Variants in MSN observed in about 807,000 individuals in gnomAD.
The protein encoded by MSN is moesin.
MSN carries 2 observed loss-of-function variants against 48.0 expected under a neutral mutation model. The ratio of observed to expected loss-of-function variants is 0.04; its 90% confidence interval spans 0.02 to 0.13. MSN has a LOEUF of 0.13. MSN is among the 10% of genes least tolerant of loss of function. MSN has a pLI of 1.00. For synonymous variants in MSN, 146 were observed against 166.9 expected (o/e 0.87, Z 0.97); for missense variants, 267 against 470.1 (o/e 0.57, Z 3.99).
intron 1 of MSN, among the ~76,000 whole-genome samples, chrX:65,695,116 G>C (rs2071219708): frequency 9.1e-6 from 1 of 109,747 alleles, no homozygotes; most frequent in Admixed American, 9.7e-5. Context: ...GTGTGGTGGT[G>C]GTGGTGGTGG....
At chrX:65,622,455 C>T (rs890669336) in intron 1 of MSN, among the ~76,000 whole-genome samples, 1 of 107,548 alleles carries the variant, frequency 9.3e-6, no homozygotes, top group African/African-American at 3.4e-5. Context: ...TCTTATTGCT[C>T]TAGCCAGAAC....
intron 1 of MSN, among the ~76,000 whole-genome samples, chrX:65,695,361 G>A (rs1165251959): frequency 2.7e-5 from 3 of 109,683 alleles, no homozygotes; most frequent in Admixed American, 1.9e-4. Flanking sequence ...TTAGCCATGC[G>A]TGGTGGCACA....
intron 1 of MSN, among the ~76,000 whole-genome samples, chrX:65,657,731 C>G (rs756916356): frequency 1.9e-4 from 21 of 111,550 alleles, no homozygotes; most frequent in Non-Finnish European, 4.0e-4. Context: ...AACCATTAGT[C>G]TGACCACCAA....
intron 1 of MSN, among the ~76,000 whole-genome samples, chrX:65,699,430 C>T (rs1330499222): frequency 8.9e-6 from 1 of 111,827 alleles, no homozygotes; most frequent in African/African-American, 3.3e-5. Context: ...GACCTGAAGT[C>T]CAGAGGCTGC....
At chrX:65,652,499 C>A (rs1335662038) in intron 1 of MSN, among the ~76,000 whole-genome samples, 1 of 111,541 alleles carries the variant, frequency 9.0e-6, no homozygotes, top group African/African-American at 3.3e-5. Flanking sequence ...GCTCTCATTT[C>A]TCCTGGGTCT....
At chrX:65,636,804 A>G (rs376559721) in intron 1 of MSN, among the ~76,000 whole-genome samples, 108 of 91,275 alleles carry the variant, frequency 1.2e-3, no homozygotes, top group African/African-American at 4.3e-3. Flanking sequence ...AAGAAGGGCC[A>G]GGCGCGGTGG....
intron 1 of MSN, among the ~76,000 whole-genome samples, chrX:65,654,650 C>T (rs1422677753): frequency 9.0e-6 from 1 of 110,987 alleles, no homozygotes; most frequent in Non-Finnish European, 1.9e-5. Flanking sequence ...TTCCCTCATA[C>T]ATATACTAAA....
intron 1 of MSN, among the ~76,000 whole-genome samples, chrX:65,658,719 T>A (rs925757212): frequency 8.9e-6 from 1 of 112,073 alleles, no homozygotes; most frequent in African/African-American, 3.2e-5. Context: ...TGAACTTAGA[T>A]CTAGGATGGG....
At chrX:65,719,648 C>G (rs1287500409) in intron 2 of MSN, among the ~76,000 whole-genome samples, 1 of 111,438 alleles carries the variant, frequency 9.0e-6, no homozygotes, top group African/African-American at 3.3e-5. Flanking sequence ...GAGAGGGAAG[C>G]GGTTAGTCAG....
intron 1 of MSN, among the ~76,000 whole-genome samples, chrX:65,650,494 G>A (rs934904605): frequency 1.8e-5 from 2 of 112,457 alleles, no homozygotes; most frequent in Non-Finnish European, 3.8e-5. Context: ...TTTGGGCTCA[G>A]CCCCTTGGAT....
chrX:65,599,113 C>G (rs182378172), intron 1 of MSN, among the ~76,000 whole-genome samples: 12 of 107,308 alleles, frequency 1.1e-4, no homozygotes, highest in Non-Finnish European at 2.1e-4. Context: ...ATGGTGAAAA[C>G]TGTGTCTACT....
At chrX:65,590,580 CAA>C (rs2070138684) in intron 1 of MSN, among the ~76,000 whole-genome samples, 1 of 111,287 alleles carries the variant, frequency 9.0e-6, no homozygotes, top group Non-Finnish European at 1.9e-5. Flanking sequence ...ACTTCCGGCA[CAA>C]TTTGAGGGCA....
chrX:65,663,378 A>T (rs1024172473), upstream of MSN, among the ~76,000 whole-genome samples: 9 of 111,354 alleles, frequency 8.1e-5, no homozygotes, highest in Non-Finnish European at 1.3e-4. Flanking sequence ...AGAAATGCAA[A>T]TCTAACCCAC....
chrX:65,727,246 G>A (rs1466767472), intron 2 of MSN, among the ~76,000 whole-genome samples: 1 of 111,762 alleles, frequency 8.9e-6, no homozygotes. Flanking sequence ...CAGTTGCTAA[G>A]GATGAAGGAC....
chrX:65,737,995 A>G lies in MSN; in HGVS notation c.1252-530A>G, dbSNP rs1047041679. Among the ~76,000 whole-genome samples, 14 of 112,262 alleles carry G rather than the reference A, an allele frequency of 1.2e-4. No individual in the cohort carries two copies. The Admixed American group carries it at 1.3e-3, about 11-fold the overall frequency. On this transcript the variant is annotated intron_variant, in intron 10 of 12. Coordinates refer to ENST00000360270, the MANE Select transcript of MSN (RefSeq NM_002444.3). Reference sequence around the variant, plus strand: ...ATATACTCTTCCTTTGTACTGTTGGAGGTGGGAATAGAGGGAACCAAGACC... The same window carrying G: ...ATATACTCTTCCTTTGTACTGTTGGGGGTGGGAATAGAGGGAACCAAGACC...
chrX:65,618,639 G>C (rs1417881475), intron 1 of MSN, among the ~76,000 whole-genome samples: 1 of 111,316 alleles, frequency 9.0e-6, no homozygotes, highest in African/African-American at 3.3e-5. Flanking sequence ...ACAGCACACT[G>C]TTGGGTCTTG....
intron 1 of MSN, among the ~76,000 whole-genome samples, chrX:65,691,712 G>T (rs1255406431): frequency 9.0e-6 from 1 of 111,481 alleles, no homozygotes; most frequent in Non-Finnish European, 1.9e-5. Context: ...CACCATGTTG[G>T]CCAGGCTGGT....
At chrX:65,718,270 T>C (rs1294373151) in intron 2 of MSN, among the ~76,000 whole-genome samples, 1 of 109,546 alleles carries the variant, frequency 9.1e-6, no homozygotes, top group African/African-American at 3.3e-5. Flanking sequence ...CTTCATCCCC[T>C]CCCCCCGAGA....
At chrX:65,614,389 T>C (rs936725191) in intron 1 of MSN, among the ~76,000 whole-genome samples, 2 of 111,093 alleles carry the variant, frequency 1.8e-5, no homozygotes, top group Non-Finnish European at 3.8e-5. Context: ...TTAAAGTAGT[T>C]TTTTTTCTAA....
Sources: gnomAD v4.1 joint callset for allele counts (sites outside exome capture counted in the v4.1 genomes callset) on GRCh38, gnomAD v4.1.1 for gene constraint, MANE v1.5 for transcripts, NCBI Gene and HGNC (gene_info 2026-07-23, HGNC 2026-07-21) for gene names.